The following SLC25A36 variants were observed in gnomAD, a reference collection of about 807,000 sequenced individuals.
SLC25A36 encodes epididymis secretory sperm binding protein.
A neutral mutation model predicts 35.3 loss-of-function variants in SLC25A36; 24 were observed. That is an observed-to-expected ratio of 0.68 (90% CI 0.49 to 0.96). SLC25A36 has a LOEUF of 0.96. Among genes scored for constraint, SLC25A36 ranks in the 40% least tolerant of loss-of-function variants. SLC25A36 has a pLI of 0.00. For synonymous variants in SLC25A36, 141 were observed against 132.2 expected (o/e 1.07, Z -0.46); for missense variants, 294 against 381.1 (o/e 0.77, Z 1.90).
At chr3:140,953,588 A>G (rs921805498) in intron 1 of SLC25A36, among the ~76,000 whole-genome samples, 1 of 152,188 alleles carries the variant, frequency 6.6e-6, no homozygotes, top group Non-Finnish European at 1.5e-5. Context: ...TACATACAGT[A>G]AAATCTACCC....
intron 6 of SLC25A36, among the ~76,000 whole-genome samples, chr3:140,976,019 T>C (rs1243905067): frequency 6.6e-6 from 1 of 152,198 alleles, no homozygotes; most frequent in Non-Finnish European, 1.5e-5. Flanking sequence ...ACTTCTCTCT[T>C]GTTATATTGT....
intron 2 of SLC25A36, among the ~76,000 whole-genome samples, chr3:140,958,238 C>T (rs1024638302): frequency 4.6e-5 from 7 of 152,192 alleles, no homozygotes; most frequent in African/African-American, 1.7e-4. Flanking sequence ...TTGGCCTAGT[C>T]TGTTAACTCT....
chr3:140,948,193 G>A (rs975593047), intron 1 of SLC25A36, among the ~76,000 whole-genome samples: 12 of 152,116 alleles, frequency 7.9e-5, no homozygotes, highest in African/African-American at 2.4e-4. Context: ...GACCTCAGGC[G>A]ATCCACCCAC....
rs1373729622 is a variant in SLC25A36, at chr3:140,979,995, T to TG, written c.*3544dup. On this transcript the variant is annotated 3_prime_UTR_variant, in exon 7 of 7. Transcript: ENST00000324194. ...TATTGAGAACATAATCACACTTTTT[T>TG]GGATTATCCTATGTGTGGAACAAAA... The TG allele has an allele frequency of 1.3e-5, 2 of 152,238 alleles. No homozygotes were observed. The highest frequency in any genetic ancestry group is 2.9e-5 in the Non-Finnish European group (2 of 68,040). The allele number at this position is 152,238 out of a possible 1,614,324, so 9.4% of individuals were successfully genotyped here.
At chr3:140,953,909 A>G (rs756011734) in intron 1 of SLC25A36, among the ~76,000 whole-genome samples, 7 of 152,230 alleles carry the variant, frequency 4.6e-5, no homozygotes, top group Non-Finnish European at 7.3e-5. Flanking sequence ...GTTCAAGGCT[A>G]CAGTGAGCTA....
chr3:140,964,863 T>C (rs1934720121), intron 4 of SLC25A36: 1 of 151,880 alleles, frequency 6.6e-6, no homozygotes, highest in Non-Finnish European at 1.5e-5. Context: ...CTCATCAGAA[T>C]TTATTACTGT....
At chr3:140,967,753 A>T (rs1382390393) in intron 4 of SLC25A36, among the ~76,000 whole-genome samples, 1 of 151,936 alleles carries the variant, frequency 6.6e-6, no homozygotes, top group Non-Finnish European at 1.5e-5. Context: ...TAGCATTTTT[A>T]AAAATTTTTT....
chr3:140,970,852 C>A, intron 4 of SLC25A36, 75 bp from the exon 5 acceptor site: 1 of 706,864 alleles, frequency 1.4e-6, no homozygotes, highest in Non-Finnish European at 2.6e-6. Context: ...GTAGATTTAT[C>A]TAATTTTTAA....
rs141249198 is a variant in SLC25A36 at position 140,970,987 on chromosome 3, A to G, written c.446A>G (p.Asp149Gly). 1.4e-6 allele frequency: 2 copies of G among 1,399,910 alleles called. No individual in the cohort carries two copies. Among genetic ancestry groups the G allele is most frequent in the Non-Finnish European group, 2.0e-6 (2 of 986,990 alleles). 86.7% of individuals were successfully genotyped at this position (1,399,910 alleles called of 1,614,324 possible). The change falls in exon 5 of 7, where the codon GAT becomes GGT. Residue 149 changes from aspartate to glycine, a missense_variant. Asp to Gly is a moderately conservative substitution (Grantham distance 94). This residue lies in a region of SLC25A36 where 185 missense variants were observed against 201.5 expected (regional missense o/e 0.92). Coordinates refer to ENST00000324194, the MANE Select transcript of SLC25A36 (RefSeq NM_001104647.3). ...CTTATAAAGACTCGGTTACAGCTTG[A>G]TGCAAGGTATGTTAATTCCTTAAAA... ...IWLIKTRLQLDARNRGERRMG... is the reference protein window; with the variant it reads ...IWLIKTRLQLGARNRGERRMG...
intron 4 of SLC25A36, chr3:140,968,421 T>C (rs1934817342): frequency 1.0e-6 from 1 of 976,550 alleles, no homozygotes. Flanking sequence ...TTACTGATAA[T>C]AGCAATTACG....
rs376975274 is a variant in SLC25A36, at chr3:140,941,995, C to T, written c.-60C>T. The T allele has an allele frequency of 9.8e-3, 9,007 of 918,644 alleles. 649 individuals are homozygous for T. In the South Asian group the frequency reaches 0.12, roughly 13 times the overall value. 56.9% of individuals were successfully genotyped at this position (918,644 alleles called of 1,614,324 possible). On this transcript the variant is annotated 5_prime_UTR_variant, in exon 1 of 7. Transcript: ENST00000324194. ...CCAGTCCGGGACCGAAGCCGCCTGC[C>T]GTAGCGGGCGGCCAGATCCGCGTCC...
intron 1 of SLC25A36, among the ~76,000 whole-genome samples, chr3:140,952,019 CT>C (rs200986661): frequency 0.077 from 10,621 of 137,276 alleles, 443 homozygotes; most frequent in East Asian, 0.17. Flanking sequence ...TTCTTTCTCT[CT>C]TTTTTTTTTT....
At chr3:140,959,563 T>A in intron 3 of SLC25A36, 23 bp downstream of exon 3, 19 of 1,196,742 alleles carry the variant, frequency 1.6e-5, no homozygotes, top group Non-Finnish European at 1.9e-5. Flanking sequence ...AAAAATTGTT[T>A]AAAGCAAGTT....
In SLC25A36 at chr3:140,976,481, AAAG is replaced by A. The variant is rs777901972; in HGVS notation, c.*33_*35del. The stretch of plus-strand genomic sequence containing the variant: ...GCACGAGGACTGCTGTACTGCAAAA[AAAG>A]AAGACCAAAAGATTACAGTGGACCA... On this transcript the variant is annotated 3_prime_UTR_variant, in exon 7 of 7. Coordinates refer to ENST00000324194, the MANE Select transcript of SLC25A36 (RefSeq NM_001104647.3). 7 of 1,563,188 alleles carry A rather than the reference AAAG, an allele frequency of 4.5e-6. No homozygotes were observed. Among genetic ancestry groups the A allele is most frequent in the Middle Eastern group, 3.4e-4 (2 of 5,798 alleles).
chr3:140,952,036 G>A (rs1177576277), intron 1 of SLC25A36, among the ~76,000 whole-genome samples: 2 of 138,716 alleles, frequency 1.4e-5, no homozygotes, highest in African/African-American at 5.6e-5. Context: ...TTTTTTTTGC[G>A]ATGGAGTTTC....
chr3:140,976,635 T>TTAA lies in SLC25A36; in HGVS notation c.*182_*183insTAA. ...CACATTACTTGGCCTTTCGGTAATG[T>TTAA]GAAAAAAAAAAAAAACCTCAGAGCC... On this transcript the variant is annotated 3_prime_UTR_variant, in exon 7 of 7. Coordinates refer to ENST00000324194, the MANE Select transcript of SLC25A36 (RefSeq NM_001104647.3). 13 of 206,330 alleles carry TTAA rather than the reference T, an allele frequency of 6.3e-5. No individual in the cohort carries two copies. The highest frequency in any genetic ancestry group is 1.5e-4 in the Admixed American group (1 of 6,726). The allele number at this position is 206,330 out of a possible 1,614,324, so 12.8% of individuals were successfully genotyped here.
At chr3:140,970,296 T>G (rs1397643335) in intron 4 of SLC25A36, 1 of 151,982 alleles carries the variant, frequency 6.6e-6, no homozygotes, top group Non-Finnish European at 1.5e-5. Flanking sequence ...ACTTTTGAGT[T>G]TTTGTATGTG....
In SLC25A36 at chr3:140,970,997, T is replaced by C. The variant is rs1934885269; in HGVS notation, c.452+4T>C. The stretch of plus-strand genomic sequence containing the variant: ...CTCGGTTACAGCTTGATGCAAGGTA[T>C]GTTAATTCCTTAAAATAAAATTGGT... On this transcript the variant is annotated splice_donor_region_variant and intron_variant, in intron 5 of 6. Transcript: ENST00000324194. 7.5e-7 allele frequency: 1 copy of C among 1,331,590 alleles called. No individual in the cohort carries two copies. The highest frequency in any genetic ancestry group is 1.1e-6 in the Non-Finnish European group (1 of 927,806). 82.5% of individuals were successfully genotyped at this position (1,331,590 alleles called of 1,614,324 possible).
rs576900382 is a variant in SLC25A36, at chr3:140,959,331, T to C, written c.207-132T>C. 326 of 565,890 alleles carry C rather than the reference T, an allele frequency of 5.8e-4. 3 individuals are homozygous for C. The highest frequency in any genetic ancestry group is 2.1e-3 in the South Asian group (72 of 34,906). 35.1% of individuals were successfully genotyped at this position (565,890 alleles called of 1,614,324 possible). A position where few individuals can be genotyped will look rare whatever the true frequency, so the allele number is the denominator to read the frequency against. On this transcript the variant is annotated intron_variant, in intron 2 of 6. Transcript: ENST00000324194. ...TGCCTGGCCACAAATTTTTAATAAG[T>C]AAGGAAAACTCACCAGAGAAGCACA...
Sources: allele counts gnomAD v4.1 joint callset (sites outside exome capture counted in the v4.1 genomes callset), GRCh38; gene constraint gnomAD v4.1.1; regional missense constraint gnomAD v4.1.1; transcripts MANE v1.5; gene names NCBI Gene and HGNC (gene_info 2026-07-23, HGNC 2026-07-21).